The following GRIN2B variants were observed in gnomAD, a reference collection of about 807,000 sequenced individuals.
GRIN2B encodes the protein glutamate ionotropic receptor NMDA type subunit 2B, also known as glutamate receptor ionotropic, NMDA 2B.
GRIN2B carries 5 observed loss-of-function variants against 114.5 expected under a neutral mutation model. The observed-to-expected ratio is 0.04, with a 90% CI of 0.02 to 0.09. GRIN2B has a LOEUF of 0.09. Ranked by LOEUF, GRIN2B falls within the 10% of genes least tolerant of loss-of-function variation. The pLI, the probability that GRIN2B is intolerant of heterozygous loss-of-function variation, is 1.00. For synonymous variants in GRIN2B, 787 were observed against 745.1 expected, an observed-to-expected ratio of 1.06 and a Z score of -0.92; for missense variants, 1,108 against 1,943.5, an observed-to-expected ratio of 0.57 and a Z score of 8.08.
chr12:13,785,551 G>C (rs2136659571), intron 3 of GRIN2B, among the ~76,000 whole-genome samples: 1 of 152,212 alleles, frequency 6.6e-6, no homozygotes, highest in Middle Eastern at 3.4e-3. Context: ...TATTCAGCTT[G>C]TTTCATGTGC....
intron 2 of GRIN2B, among the ~76,000 whole-genome samples, chr12:13,909,425 G>A (rs529252005): frequency 2.0e-5 from 3 of 152,356 alleles, no homozygotes; most frequent in South Asian, 4.1e-4. Context: ...GGATAGGGCC[G>A]TGTGTCCTAG....
In GRIN2B at chr12:13,564,353, T is replaced by C; in HGVS notation, c.2885A>G (p.Tyr962Cys). The C allele has an allele frequency of 6.2e-7, 1 of 1,614,176 alleles. No individual in the cohort carries two copies. Among genetic ancestry groups the C allele is most frequent in the Non-Finnish European group, 8.5e-7 (1 of 1,180,010 alleles). Reference protein sequence around the residue: ...PPCEENLFSDYISEVERTFGN... With the variant: ...PPCEENLFSDCISEVERTFGN... The stretch of plus-strand genomic sequence containing the variant: ...GAACGTTCTCTCTACCTCACTGATG[T>C]AGTCACTGAAGAGGTTCTCCTCACA... The change falls in exon 14 of 14, where the codon TAC becomes TGC. Residue 962 changes from tyrosine to cysteine, a missense_variant. Physicochemically the swap from Tyr to Cys is radical, Grantham distance 194. Coordinates refer to ENST00000609686, the MANE Select transcript of GRIN2B (RefSeq NM_000834.5). This position sits in a 1 kb window ranked among gnomAD's most constrained non-coding sequence, Gnocchi z 4.8.
chr12:13,639,133 T>C (rs2268100), intron 5 of GRIN2B, among the ~76,000 whole-genome samples: 53,141 of 151,930 alleles, frequency 0.35, 10,997 homozygotes, highest in East Asian at 0.81. Flanking sequence ...TGTCAAAACA[T>C]CAAATCCAAT....
chr12:13,795,615 A>T (rs1169140724), intron 3 of GRIN2B, among the ~76,000 whole-genome samples: 2 of 152,264 alleles, frequency 1.3e-5, no homozygotes, highest in East Asian at 3.8e-4. Flanking sequence ...ATCACACTAC[A>T]TAAAGACACG....
At chr12:13,566,927 G>T in intron 13 of GRIN2B, 98 bp downstream of exon 13, 3 of 841,040 alleles carry the variant, frequency 3.6e-6, no homozygotes, top group Non-Finnish European at 6.3e-6. Context: ...TGAGCAACAT[G>T]GGGGTGGAGA....
chr12:13,981,098 A>G (rs1463998443), intron 1 of GRIN2B, among the ~76,000 whole-genome samples: 1 of 151,932 alleles, frequency 6.6e-6, no homozygotes, highest in Non-Finnish European at 1.5e-5. Flanking sequence ...CTGCTAGGTG[A>G]AGGGATGAAA....
intron 3 of GRIN2B, among the ~76,000 whole-genome samples, chr12:13,852,814 TGCC>T (rs540640648): frequency 3.6e-3 from 553 of 151,874 alleles, no homozygotes; most frequent in Middle Eastern, 6.8e-3. Context: ...GATACTATAC[TGCC>T]GCCATCTGAA....
intron 4 of GRIN2B, among the ~76,000 whole-genome samples, chr12:13,729,473 C>T (rs960564528): frequency 2.6e-5 from 4 of 151,938 alleles, no homozygotes; most frequent in African/African-American, 9.7e-5. Context: ...CTGGGTGTAG[C>T]CTGTTCATGG....
chr12:13,767,727 G>A (rs775901045), intron 3 of GRIN2B, among the ~76,000 whole-genome samples: 2 of 152,126 alleles, frequency 1.3e-5, no homozygotes, highest in Non-Finnish European at 2.9e-5. Flanking sequence ...GTTTCACACA[G>A]ATGAAAGATA....
intron 4 of GRIN2B, among the ~76,000 whole-genome samples, chr12:13,716,533 G>T (rs1476926512): frequency 2.0e-5 from 3 of 151,866 alleles, no homozygotes; most frequent in African/African-American, 7.2e-5. Flanking sequence ...GCATTTCATT[G>T]TCACAGTGGA....
At chr12:13,690,345 C>A (rs532909481) in intron 4 of GRIN2B, among the ~76,000 whole-genome samples, 1 of 115,600 alleles carries the variant, frequency 8.7e-6, no homozygotes, top group Non-Finnish European at 1.7e-5. Flanking sequence ...TTTACAAATA[C>A]TTTTTTTTGC....
At chr12:13,652,670 C>T (rs1231087554) in intron 5 of GRIN2B, among the ~76,000 whole-genome samples, 1 of 152,126 alleles carries the variant, frequency 6.6e-6, no homozygotes, top group African/African-American at 2.4e-5. Context: ...GGCGGCCTAA[C>T]TCCAATCACC....
At position 13,606,716 on chromosome 12, in the gene GRIN2B, G is replaced by A. The variant is rs566566997; in HGVS notation, c.2010+1887C>T. Among the ~76,000 whole-genome samples the A allele has an allele frequency of 9.9e-5, 15 of 152,214 alleles. No homozygotes were observed. The South Asian group carries it at 2.3e-3, about 23-fold the overall frequency. ...GTCACCAAAAGGCGATTGTGGTAGC[G>A]GCTGCAAATGGGGGGAAAAGGAGGT... is the stretch of plus-strand genomic sequence containing the variant. On this transcript the variant is annotated intron_variant, in intron 10 of 13. Transcript: ENST00000609686.
chr12:13,971,138 A>G (rs1012691689), intron 2 of GRIN2B, among the ~76,000 whole-genome samples: 1 of 152,190 alleles, frequency 6.6e-6, no homozygotes, highest in Admixed American at 6.5e-5. Context: ...ATCGAGGAGT[A>G]TGCGTCTTAG....
chr12:13,607,160 A>ATATAT (rs1949264711), intron 10 of GRIN2B, among the ~76,000 whole-genome samples: 1 of 124,488 alleles, frequency 8.0e-6, no homozygotes, highest in African/African-American at 3.1e-5. Context: ...AAATATATAT[A>ATATAT]TATATAAAAA....
At chr12:13,673,570 G>C (rs866652595) in intron 5 of GRIN2B, among the ~76,000 whole-genome samples, 1 of 152,072 alleles carries the variant, frequency 6.6e-6, no homozygotes, top group Non-Finnish European at 1.5e-5. Flanking sequence ...TTAAAAAATT[G>C]TCACATAGTC....
intron 2 of GRIN2B, among the ~76,000 whole-genome samples, chr12:13,874,125 G>C (rs148563622): frequency 1.3e-5 from 2 of 152,330 alleles, no homozygotes; most frequent in African/African-American, 4.8e-5. Flanking sequence ...AAGCAAAGGT[G>C]ATACTGGATC....
At chr12:13,680,436 T>TTG (rs56755720) in intron 4 of GRIN2B, among the ~76,000 whole-genome samples, 12,282 of 123,166 alleles carry the variant, frequency 0.1, 620 homozygotes, top group Middle Eastern at 0.15. Context: ...CCCATCAAGG[T>TTG]TGTGTGTGTG....
In GRIN2B at chr12:13,562,732, G is replaced by A. The variant is rs771877727; in HGVS notation, c.*51C>T. On this transcript the variant is annotated 3_prime_UTR_variant, in exon 14 of 14. Transcript: ENST00000609686. ...ACCCTCCGTGACATGCGCATCACGC[G>A]ACCCACAGCCTTACCCTCCCGTACC... The A allele has an allele frequency of 4.4e-5, 64 of 1,450,482 alleles. No homozygotes were observed. The highest frequency in any genetic ancestry group is 5.7e-5 in the Non-Finnish European group (59 of 1,031,046). The allele number at this position is 1,450,482 out of a possible 1,614,324, so 89.9% of individuals were successfully genotyped here.
Sources: allele counts gnomAD v4.1 joint callset (sites outside exome capture counted in the v4.1 genomes callset), GRCh38; gene constraint gnomAD v4.1.1; non-coding constraint Gnocchi (gnomAD v3.1); transcripts MANE v1.5; gene names NCBI Gene and HGNC (gene_info 2026-07-23, HGNC 2026-07-21).